The following KHDRBS2 variants were observed in gnomAD, a reference collection of about 807,000 sequenced individuals.
KHDRBS2 encodes the protein KH RNA binding domain containing, signal transduction associated 2.
KHDRBS2 carries 26 observed loss-of-function variants against 44.3 expected under a neutral mutation model. That is an observed-to-expected ratio of 0.59 (90% CI 0.43 to 0.81). KHDRBS2 has a LOEUF of 0.81. Among genes scored for constraint, KHDRBS2 ranks in the 40% least tolerant of loss-of-function variants. The pLI is 0.00. For missense variants in KHDRBS2, 476 were observed against 433.1 expected, an observed-to-expected ratio of 1.10 and a Z score of -0.88; for synonymous variants, 194 against 151.1, an observed-to-expected ratio of 1.28 and a Z score of -2.08.
At chr6:61,667,526 A>G in the KHDRBS2 span, among the ~76,000 whole-genome samples, 4 of 151,340 alleles carry the variant, frequency 2.6e-5, no homozygotes, top group African/African-American at 9.7e-5. Context: ...TATACCAGTT[A>G]AGAAAAAAAC....
At chr6:62,108,046 T>C (rs534864412) in intron 2 of KHDRBS2, among the ~76,000 whole-genome samples, 156 of 152,312 alleles carry the variant, frequency 1.0e-3, no homozygotes, top group African/African-American at 3.7e-3. Flanking sequence ...AAGGACTTCA[T>C]GTCTAAAACA....
intron 2 of KHDRBS2, among the ~76,000 whole-genome samples, chr6:62,069,055 T>A (rs1417616316): frequency 1.3e-5 from 2 of 151,754 alleles, no homozygotes; most frequent in East Asian, 3.9e-4. Context: ...CAGATTGGAT[T>A]GAAATTGTCA....
chr6:62,030,784 T>C (rs981634715), intron 3 of KHDRBS2, among the ~76,000 whole-genome samples: 1 of 152,124 alleles, frequency 6.6e-6, no homozygotes, highest in African/African-American at 2.4e-5. Context: ...TTTTGATGAA[T>C]AATTCCCAAA....
rs1778832571 is a variant in KHDRBS2 at position 62,004,367 on chromosome 6, A to G, written c.337-26155T>C. ...ATACAAACTACCATCAGATAATACTATAAACACCTCTTCGCAAATAAGCTA... is the reference window on the plus strand; with the variant it reads ...ATACAAACTACCATCAGATAATACTGTAAACACCTCTTCGCAAATAAGCTA... On this transcript the variant is annotated intron_variant, in intron 3 of 8. Coordinates refer to ENST00000281156, the MANE Select transcript of KHDRBS2 (RefSeq NM_152688.4). Among the ~76,000 whole-genome samples the G allele has an allele frequency of 2.6e-5, 4 of 152,282 alleles. No individual in the cohort carries two copies. In the South Asian group the frequency reaches 6.2e-4, roughly 24 times the overall value.
chr6:61,627,406 A>C, the KHDRBS2 span, among the ~76,000 whole-genome samples: 12 of 152,230 alleles, frequency 7.9e-5, no homozygotes, highest in African/African-American at 2.6e-4. Context: ...TATGCTAATG[A>C]GATGATTCAT....
chr6:61,699,058 ACTT>A (rs1768256092), intron 7 of KHDRBS2, among the ~76,000 whole-genome samples: 1 of 151,988 alleles, frequency 6.6e-6, no homozygotes, highest in East Asian at 1.9e-4. Flanking sequence ...TAGAATATAA[ACTT>A]CTTGTTATAG....
intron 2 of KHDRBS2, among the ~76,000 whole-genome samples, chr6:62,168,075 C>T (rs2150116738): frequency 6.6e-6 from 1 of 152,214 alleles, no homozygotes; most frequent in African/African-American, 2.4e-5. Context: ...TGGGACTGAA[C>T]AGAATAAGAA....
intron 1 of KHDRBS2, among the ~76,000 whole-genome samples, chr6:62,207,522 C>T (rs542930749): frequency 6.6e-6 from 1 of 152,126 alleles, no homozygotes; most frequent in East Asian, 1.9e-4. Flanking sequence ...TACAAACTGC[C>T]TAAAGCCAAA....
chr6:61,571,848 A>G, the KHDRBS2 span, among the ~76,000 whole-genome samples: 1 of 152,134 alleles, frequency 6.6e-6, no homozygotes, highest in South Asian at 2.1e-4. Flanking sequence ...TAATAATATT[A>G]CATTCTTACA....
At chr6:61,950,225 T>C (rs1448031615) in intron 4 of KHDRBS2, among the ~76,000 whole-genome samples, 1 of 152,086 alleles carries the variant, frequency 6.6e-6, no homozygotes, top group Non-Finnish European at 1.5e-5. Flanking sequence ...TTGGATACAG[T>C]ACAGCTCCAA....
intron 3 of KHDRBS2, 54 bp downstream of exon 3, chr6:62,047,824 A>G (rs141898329): frequency 8.9e-6 from 10 of 1,126,388 alleles, no homozygotes; most frequent in Admixed American, 8.5e-5. Flanking sequence ...TTTGGCCTTC[A>G]GTGTTATAGG....
intron 3 of KHDRBS2, among the ~76,000 whole-genome samples, chr6:62,044,372 A>T (rs1787207779): frequency 1.3e-5 from 2 of 152,012 alleles, no homozygotes; most frequent in Non-Finnish European, 2.9e-5. Context: ...GATACTTGGG[A>T]GGCTGAGGTG....
intron 6 of KHDRBS2, among the ~76,000 whole-genome samples, chr6:61,760,093 G>A (rs1213828847): frequency 6.6e-6 from 1 of 152,084 alleles, no homozygotes; most frequent in East Asian, 1.9e-4. Flanking sequence ...CTAAAAAAAT[G>A]AGTTATTTAA....
At chr6:62,264,058 T>G (rs903481797) in intron 1 of KHDRBS2, among the ~76,000 whole-genome samples, 7 of 151,726 alleles carry the variant, frequency 4.6e-5, no homozygotes, top group African/African-American at 1.7e-4. Flanking sequence ...TATTTCTCAT[T>G]TGACGTCAAC....
chr6:62,206,700 A>G (rs962449670), intron 1 of KHDRBS2, among the ~76,000 whole-genome samples: 7 of 152,062 alleles, frequency 4.6e-5, no homozygotes, highest in Admixed American at 1.3e-4. Flanking sequence ...TTATGATTCT[A>G]TATCTGTTTT....
intron 6 of KHDRBS2, among the ~76,000 whole-genome samples, chr6:61,775,160 C>T (rs1227797285): frequency 6.6e-6 from 1 of 152,014 alleles, no homozygotes. Flanking sequence ...TAAGAGCTAT[C>T]TATGACAAAC....
chr6:62,091,999 G>T (rs1799577391), intron 2 of KHDRBS2, among the ~76,000 whole-genome samples: 1 of 152,176 alleles, frequency 6.6e-6, no homozygotes, highest in South Asian at 2.1e-4. Context: ...TTGGGTTTTT[G>T]TAGTGAGCAT....
At chr6:61,618,346 C>A in the KHDRBS2 span, among the ~76,000 whole-genome samples, 1 of 152,080 alleles carries the variant, frequency 6.6e-6, no homozygotes, top group Non-Finnish European at 1.5e-5. Context: ...ATGACATGAC[C>A]AATTTTAGAT....
chr6:61,838,031 G>C (rs1424233913), intron 6 of KHDRBS2, among the ~76,000 whole-genome samples: 1 of 151,952 alleles, frequency 6.6e-6, no homozygotes, highest in Non-Finnish European at 1.5e-5. Context: ...CTTTTCTTCA[G>C]GACTAATAAA....
Sources: allele counts gnomAD v4.1 joint callset (sites outside exome capture counted in the v4.1 genomes callset), GRCh38; gene constraint gnomAD v4.1.1; transcripts MANE v1.5; gene names NCBI Gene and HGNC (gene_info 2026-07-23, HGNC 2026-07-21).